Variants in XPNPEP1 observed in about 807,000 individuals in gnomAD.
XPNPEP1 encodes the protein X-prolyl aminopeptidase 1.
XPNPEP1 carries 39 observed loss-of-function variants against 92.4 expected under a neutral mutation model. The ratio of observed to expected loss-of-function variants is 0.42; its 90% CI spans 0.33 to 0.55. XPNPEP1 has a LOEUF of 0.55. Among genes scored for constraint, XPNPEP1 ranks in the 20% least tolerant of loss-of-function variants. The pLI is 0.08. For synonymous variants in XPNPEP1, 307 were observed against 299.4 expected (o/e 1.03, Z -0.26); for missense variants, 654 against 856.1 (o/e 0.76, Z 2.95).
intron 1 of XPNPEP1, among the ~76,000 whole-genome samples, chr10:109,917,573 A>G (rs910170049): frequency 3.9e-5 from 6 of 152,216 alleles, no homozygotes; most frequent in South Asian, 2.1e-4. Flanking sequence ...TATGGACTCA[A>G]TGCATTCCCT....
chr10:109,867,455 C>T lies in XPNPEP1; in HGVS notation c.1872+1159G>A, dbSNP rs575849021. 3.9e-5 allele frequency among the ~76,000 whole-genome samples: 6 copies of T among 152,294 alleles called. No individual in the cohort carries two copies. The highest frequency in any genetic ancestry group is 4.1e-4 in the South Asian group (2 of 4,828). ...GGAATGTTTAGCTGAACCAAGGGCA[C>T]GGATGGTTAAGCAGAGGCGCTCAAG... On this transcript the variant is annotated intron_variant, in intron 20 of 20. Transcript: ENST00000502935. The surrounding 1 kb of genome is among the most constrained non-coding windows in gnomAD (Gnocchi z 4.5).
At chr10:109,906,845 T>A (rs1238318159) in intron 3 of XPNPEP1, among the ~76,000 whole-genome samples, 2 of 152,108 alleles carry the variant, frequency 1.3e-5, no homozygotes, top group Non-Finnish European at 2.9e-5. Context: ...CACCCATCCT[T>A]CAAGGTCCAA....
In XPNPEP1 at chr10:109,882,425, C is replaced by T; in HGVS notation, c.1041+7G>A. 1 of 1,607,826 alleles carries T rather than the reference C, an allele frequency of 6.2e-7. No individual in the cohort carries two copies. The highest frequency in any genetic ancestry group is 8.5e-7 in the Non-Finnish European group (1 of 1,175,046). On this transcript the variant is annotated splice_region_variant and intron_variant, in intron 10 of 20. Coordinates refer to ENST00000502935, the MANE Select transcript of XPNPEP1 (RefSeq NM_020383.4). ...GAGTTTAGATGGGCCAAAGTGGGGT[C>T]ACCAACCTTGGGGATGGTCTCGCTC...
chr10:109,888,434 AT>A (rs1307562164), intron 6 of XPNPEP1, 68 bp downstream of exon 6: 2 of 1,458,872 alleles, frequency 1.4e-6, no homozygotes, highest in Non-Finnish European at 1.9e-6. Flanking sequence ...CCACAAGCAA[AT>A]GAGGAGAATG....
chr10:109,879,882 T>C (rs1847995156), intron 12 of XPNPEP1, among the ~76,000 whole-genome samples: 1 of 152,208 alleles, frequency 6.6e-6, no homozygotes, highest in South Asian at 2.1e-4. Flanking sequence ...AGCTTGCCTA[T>C]AATAATATTA....
chr10:109,869,312 T>A (rs549659691), intron 19 of XPNPEP1, among the ~76,000 whole-genome samples: 7 of 152,308 alleles, frequency 4.6e-5, no homozygotes, highest in Admixed American at 4.6e-4. Flanking sequence ...TCCCTCCAAT[T>A]GTTCAATTCC....
chr10:109,869,515 C>T (rs1013630575), intron 19 of XPNPEP1, among the ~76,000 whole-genome samples: 4 of 152,136 alleles, frequency 2.6e-5, no homozygotes, highest in African/African-American at 9.7e-5. Flanking sequence ...AAAATTACAG[C>T]TTCCAGGCCC....
At chr10:109,910,550 A>C (rs1483714933) in intron 2 of XPNPEP1, among the ~76,000 whole-genome samples, 1 of 152,118 alleles carries the variant, frequency 6.6e-6, no homozygotes, top group East Asian at 1.9e-4. Context: ...GTCTCAAAAA[A>C]AAAAAAAAAA....
chr10:109,876,213 C>G (rs1403537983), intron 14 of XPNPEP1: 2 of 152,430 alleles, frequency 1.3e-5, no homozygotes, highest in African/African-American at 4.8e-5. Flanking sequence ...AAAAAGTGAT[C>G]TCTTTCCCCA....
intron 8 of XPNPEP1, chr10:109,884,547 C>G (rs1277855244): frequency 6.2e-6 from 1 of 161,078 alleles, no homozygotes; most frequent in Non-Finnish European, 1.3e-5. Flanking sequence ...CCTTCTGAGG[C>G]AGATGACCTA....
At chr10:109,877,357 T>C (rs775152808) in intron 14 of XPNPEP1, 1 of 164,416 alleles carries the variant, frequency 6.1e-6, no homozygotes, top group Non-Finnish European at 1.3e-5. Flanking sequence ...TCCCAGCTAC[T>C]CAGGAGGCTG....
chr10:109,916,794 T>C (rs1850216828), intron 1 of XPNPEP1, among the ~76,000 whole-genome samples: 1 of 152,214 alleles, frequency 6.6e-6, no homozygotes, highest in Non-Finnish European at 1.5e-5. Flanking sequence ...AAGTGGGTCT[T>C]ATCCCAGGAA....
At position 109,868,685 on chromosome 10, in the gene XPNPEP1, T is replaced by A. The variant is rs1333020539; in HGVS notation, c.1801A>T (p.Thr601Ser). ...KYNFNNRGSL[T>S]FEPLTLVPIQ... Reference sequence around the variant, plus strand: ...GGAACCAATGTTAGAGGTTCAAAGGTCAGGCTTCCCCGGTTATTAAAATTA... The same window carrying A: ...GGAACCAATGTTAGAGGTTCAAAGGACAGGCTTCCCCGGTTATTAAAATTA... The change falls in exon 20 of 21, where the codon ACC (threonine) becomes TCC (serine). Residue 601 changes from threonine (T) to serine (S), a missense_variant. Thr to Ser is a moderately conservative substitution (Grantham distance 58). Coordinates refer to ENST00000502935, the MANE Select transcript of XPNPEP1 (RefSeq NM_020383.4). The A allele has an allele frequency of 1.2e-6, 2 of 1,613,844 alleles. No homozygotes were observed. Among genetic ancestry groups the A allele is most frequent in the South Asian group, 2.2e-5 (2 of 91,068 alleles).
rs572263449 is a variant in XPNPEP1, at chr10:109,882,258, C to G, written c.1041+174G>C. 9.2e-5 allele frequency among the ~76,000 whole-genome samples: 14 copies of G among 152,290 alleles called. No homozygotes were observed. In the South Asian group the frequency reaches 2.5e-3, roughly 27 times the overall value. ...ACACTCTGGAAAACACAAGACTCAA[C>G]AAGCAATAAGGGCCCTCAGGCTCTT... On this transcript the variant is annotated intron_variant, in intron 10 of 20. Transcript: ENST00000502935.
At chr10:109,892,165 G>A (rs1156428989) in intron 4 of XPNPEP1, among the ~76,000 whole-genome samples, 2 of 152,196 alleles carry the variant, frequency 1.3e-5, no homozygotes, top group African/African-American at 2.4e-5. Context: ...AAGACACAGG[G>A]AGGGATGGTT....
intron 3 of XPNPEP1, among the ~76,000 whole-genome samples, chr10:109,894,466 G>A (rs1282658365): frequency 6.6e-6 from 1 of 151,774 alleles, no homozygotes; most frequent in Non-Finnish European, 1.5e-5. Flanking sequence ...GGGAGGTTGA[G>A]GCTGCACAGT....
chr10:109,916,858 T>C (rs1850220427), intron 1 of XPNPEP1, among the ~76,000 whole-genome samples: 1 of 152,104 alleles, frequency 6.6e-6, no homozygotes, highest in Non-Finnish European at 1.5e-5. Flanking sequence ...GCCATATCAA[T>C]AGAATAAAGA....
intron 3 of XPNPEP1, among the ~76,000 whole-genome samples, chr10:109,903,717 G>C (rs978595050): frequency 1.2e-4 from 19 of 152,230 alleles, no homozygotes; most frequent in Non-Finnish European, 2.4e-4. Context: ...TCTTAAATGG[G>C]GGAGTGCCCA....
At position 109,883,990 on chromosome 10, in the gene XPNPEP1, G is replaced by A. The variant is rs79240555; in HGVS notation, c.830+77C>T. 4,803 of 1,297,566 alleles carry A rather than the reference G, an allele frequency of 3.7e-3. 148 individuals carry two copies. In the African/African-American group the frequency reaches 0.064, roughly 17 times the overall value. 80.4% of individuals were successfully genotyped at this position (1,297,566 alleles called of 1,614,324 possible). ...AGTGAAATATCAGGCAGTGATGGGT[G>A]GGCCAGGACCAGAAAGGGCACACTA... is the stretch of plus-strand genomic sequence containing the variant. On this transcript the variant is annotated intron_variant, in intron 9 of 20. Transcript: ENST00000502935.
Sources: allele counts gnomAD v4.1 joint callset (sites outside exome capture counted in the v4.1 genomes callset), GRCh38; gene constraint gnomAD v4.1.1; non-coding constraint Gnocchi (gnomAD v3.1); transcripts MANE v1.5; gene names NCBI Gene and HGNC (gene_info 2026-07-23, HGNC 2026-07-21).